Variants in GGA3 observed in about 807,000 individuals in gnomAD.
GGA3 encodes ADP-ribosylation factor-binding protein GGA3.
In GGA3, 57 loss-of-function variants were observed where a neutral mutation model predicts 77.5. That is an observed-to-expected ratio of 0.74 (90% confidence interval 0.59 to 0.92). The LOEUF (loss-of-function observed/expected upper bound fraction) is 0.92. GGA3 is among the 40% of genes least tolerant of loss of function. GGA3 has a pLI of 0.00. For missense variants in GGA3, 970 were observed against 914.9 expected, an observed-to-expected ratio of 1.06 and a Z score of -0.78; for synonymous variants, 416 against 383.7, an observed-to-expected ratio of 1.08 and a Z score of -0.98.
intron 4 of GGA3, chr17:75,244,357 C>T (rs1235686296): frequency 7.2e-6 from 3 of 414,050 alleles, no homozygotes; most frequent in Non-Finnish European, 1.4e-5. Flanking sequence ...TCCCACACTA[C>T]ATGGGCCCTC....
In GGA3 at chr17:75,237,937, C is replaced by CCCCCACA; in HGVS notation, c.*341_*342insTGTGGGG. 1 of 778,120 alleles carries CCCCCACA rather than the reference C, an allele frequency of 1.3e-6. No homozygotes were observed. 48.2% of individuals were successfully genotyped at this position (778,120 alleles called of 1,614,324 possible). ...GAGACTCCCACCCCCCACCCCCCACCCCAGTGGCTTCAGTGAATGCCAGTA... is the reference window on the plus strand; with the variant it reads ...GAGACTCCCACCCCCCACCCCCCACCCCCCACACCAGTGGCTTCAGTGAATGCCAGTA... On this transcript the variant is annotated 3_prime_UTR_variant, in exon 17 of 17. Coordinates refer to ENST00000537686, the MANE Select transcript of GGA3 (RefSeq NM_138619.4).
intron 1 of GGA3, among the ~76,000 whole-genome samples, chr17:75,253,128 A>G (rs1318469689): frequency 6.6e-6 from 1 of 152,136 alleles, no homozygotes; most frequent in Non-Finnish European, 1.5e-5. Flanking sequence ...TTGCTCCGTG[A>G]AAAAGATCCA....
chr17:75,248,344 G>A (rs1395707540), intron 1 of GGA3, among the ~76,000 whole-genome samples: 11 of 151,642 alleles, frequency 7.3e-5, no homozygotes, highest in South Asian at 4.2e-4. Context: ...GGTGGCGGGC[G>A]CCTGTAGTCC....
At chr17:75,257,369 C>T (rs1017525729) in intron 1 of GGA3, among the ~76,000 whole-genome samples, 3 of 149,676 alleles carry the variant, frequency 2.0e-5, no homozygotes, top group African/African-American at 7.3e-5. Context: ...CATACATGCC[C>T]TGCTCTTGTT....
chr17:75,241,161 G>A, intron 10 of GGA3, 104 bp from the exon 11 acceptor site: 6 of 1,342,270 alleles, frequency 4.5e-6, no homozygotes, highest in Non-Finnish European at 6.4e-6. Context: ...ACAGCCTCTG[G>A]CCTAATCCAA....
Position 75,242,322 on chromosome 17 carries a change from G to T in GGA3, c.747+14C>A. 1 of 1,614,040 alleles carries T rather than the reference G, an allele frequency of 6.2e-7. No homozygotes were observed. The highest frequency in any genetic ancestry group is 8.5e-7 in the Non-Finnish European group (1 of 1,179,954). The stretch of plus-strand genomic sequence containing the variant: ...GCAGCCCCGGGAGGCAGCCTTTGCC[G>T]TCGGCGGTCCCACCTTCATCAGCTC... On this transcript the variant is annotated intron_variant, in intron 8 of 16. Transcript: ENST00000537686.
chr17:75,257,074 C>T (rs1198036027), intron 1 of GGA3, among the ~76,000 whole-genome samples: 3 of 152,084 alleles, frequency 2.0e-5, no homozygotes, highest in African/African-American at 7.2e-5. Context: ...AAAAGCAGAA[C>T]GGACTAAAGG....
intron 1 of GGA3, among the ~76,000 whole-genome samples, chr17:75,252,059 C>T (rs1412074662): frequency 6.6e-6 from 1 of 150,808 alleles, no homozygotes; most frequent in Non-Finnish European, 1.5e-5. Flanking sequence ...AGTCCCAGTG[C>T]CTGGCGTCTT....
rs375629495 is a variant in GGA3, at chr17:75,240,332, G to T, written c.1263+10C>A. The T allele has an allele frequency of 1.0e-3, 1,570 of 1,569,648 alleles. 27 individuals carry two copies. The South Asian group carries it at 0.017, about 17-fold the overall frequency. ...GCACAGTAGTGCTGTCACCGATCCTGTGCCCCTACCTGGAGCAGGTGCCAC... is the reference window on the plus strand; with the variant it reads ...GCACAGTAGTGCTGTCACCGATCCTTTGCCCCTACCTGGAGCAGGTGCCAC... On this transcript the variant is annotated intron_variant, in intron 12 of 16. Transcript: ENST00000537686.
rs1289502913 is a variant in GGA3 at position 75,237,860 on chromosome 17, AG to A, written c.*418del. 1.4e-6 allele frequency: 2 copies of A among 1,398,902 alleles called. No homozygotes were observed. Among genetic ancestry groups the A allele is most frequent in the African/African-American group, 2.9e-5 (2 of 69,156 alleles). 86.7% of individuals were successfully genotyped at this position (1,398,902 alleles called of 1,614,324 possible). On this transcript the variant is annotated 3_prime_UTR_variant, in exon 17 of 17. Coordinates refer to ENST00000537686, the MANE Select transcript of GGA3 (RefSeq NM_138619.4). ...CAGCCCCTTGGGCCGTGCATCTGTC[AG>A]GTGTGAGGATGTGGCTCTTGTGGGG...
chr17:75,253,947 A>G (rs1462458125), intron 1 of GGA3, among the ~76,000 whole-genome samples: 2 of 152,116 alleles, frequency 1.3e-5, no homozygotes, highest in African/African-American at 4.8e-5. Context: ...CCCCAGTACA[A>G]ACTTGACAAT....
chr17:75,238,955 A>C lies in GGA3; in HGVS notation c.1909T>G (p.Leu637Val). 1 of 1,614,120 alleles carries C rather than the reference A, an allele frequency of 6.2e-7. No individual in the cohort carries two copies. Among genetic ancestry groups the C allele is most frequent in the South Asian group, 1.1e-5 (1 of 91,086 alleles). The change falls in exon 15 of 17, where the codon TTA becomes GTA. Residue 637 changes from leucine (L) to valine (V), a missense_variant. Physicochemically the swap from Leu to Val is conservative, Grantham distance 32 (BLOSUM62 1). Transcript: ENST00000537686. ...TGCAGCACGATGCTCTTGACAGGTA[A>C]GGGAGCCGTGTTCAGCATGGACACC... ...VVVSMLNTAP[L>V]PVKSIVLQAA... is the part of the protein sequence containing the mutation.
In GGA3 at chr17:75,249,790, G is replaced by A. The variant is rs115509723; in HGVS notation, c.41-2994C>T. On this transcript the variant is annotated intron_variant, in intron 1 of 16. Transcript: ENST00000537686. ...ATCTTCTGAGTACAGAGTAAAATGT[G>A]GATCCCCCCAACCCCCGAAGCAACT... Among the ~76,000 whole-genome samples the A allele has an allele frequency of 4.9e-3, 745 of 152,214 alleles. 7 individuals carry two copies. Among genetic ancestry groups the A allele is most frequent in the African/African-American group, 0.017 (723 of 41,520 alleles).
At chr17:75,247,661 C>A (rs1165798943) in intron 1 of GGA3, among the ~76,000 whole-genome samples, 1 of 152,200 alleles carries the variant, frequency 6.6e-6, no homozygotes, top group African/African-American at 2.4e-5. Flanking sequence ...CATTGTCAAG[C>A]CAACAACATT....
chr17:75,254,555 G>A (rs2077077360), intron 1 of GGA3, among the ~76,000 whole-genome samples: 1 of 152,080 alleles, frequency 6.6e-6, no homozygotes, highest in East Asian at 1.9e-4. Context: ...AGGTCAAAGG[G>A]CCGTCTTATT....
intron 3 of GGA3, among the ~76,000 whole-genome samples, chr17:75,245,674 GCCA>G (rs1194531168): frequency 6.6e-6 from 1 of 152,130 alleles, no homozygotes; most frequent in Non-Finnish European, 1.5e-5. Context: ...ACAGGTGTGT[GCCA>G]CCGTGCCTGG....
intron 1 of GGA3, among the ~76,000 whole-genome samples, chr17:75,251,038 G>T (rs1257736403): frequency 2.0e-5 from 3 of 147,752 alleles, no homozygotes; most frequent in Non-Finnish European, 1.5e-5. Flanking sequence ...CTGAGATCAG[G>T]CCATTGCACT....
At chr17:75,253,003 T>C (rs2145576093) in intron 1 of GGA3, among the ~76,000 whole-genome samples, 1 of 152,376 alleles carries the variant, frequency 6.6e-6, no homozygotes, top group Middle Eastern at 3.4e-3. Flanking sequence ...AACAGCCATG[T>C]TGCTCACACA....
At chr17:75,259,470 G>C (rs1374937504) in intron 1 of GGA3, among the ~76,000 whole-genome samples, 5 of 152,178 alleles carry the variant, frequency 3.3e-5, no homozygotes, top group Non-Finnish European at 7.3e-5. Context: ...CAGGTAAGGA[G>C]AGCAACGTGT....
Sources: allele counts gnomAD v4.1 joint callset (sites outside exome capture counted in the v4.1 genomes callset), GRCh38; gene constraint gnomAD v4.1.1; transcripts MANE v1.5; gene names NCBI Gene and HGNC (gene_info 2026-07-23, HGNC 2026-07-21).